The following PPP2R2A variants were observed in gnomAD, a reference collection of about 807,000 sequenced individuals.
The protein encoded by PPP2R2A is serine/threonine-protein phosphatase 2A 55 kDa regulatory subunit B alpha isoform.
A neutral mutation model predicts 53.2 loss-of-function variants in PPP2R2A; 9 were observed. The observed-to-expected ratio is 0.17, with a 90% confidence interval of 0.10 to 0.30. The LOEUF (loss-of-function observed/expected upper bound fraction) is 0.30, where lower values mean the gene tolerates loss of function less well. Ranked by LOEUF, PPP2R2A falls within the 10% of genes least tolerant of loss-of-function variation. The pLI is 1.00. For synonymous variants in PPP2R2A, 169 were observed against 174.2 expected (o/e 0.97, Z 0.23); for missense variants, 235 against 534.6 (o/e 0.44, Z 5.53).
At chr8:26,324,214 G>A (rs1585356379) in intron 2 of PPP2R2A, among the ~76,000 whole-genome samples, 2 of 152,282 alleles carry the variant, frequency 1.3e-5, no homozygotes, top group East Asian at 3.9e-4. Flanking sequence ...ACCTCAGAGA[G>A]GCTTTCTTTG....
At chr8:26,302,364 A>G (rs1395838839) in intron 2 of PPP2R2A, among the ~76,000 whole-genome samples, 1 of 152,242 alleles carries the variant, frequency 6.6e-6, no homozygotes, top group Non-Finnish European at 1.5e-5. Context: ...TAAAATCAGT[A>G]GTCATATTAA....
intron 3 of PPP2R2A, among the ~76,000 whole-genome samples, chr8:26,341,622 A>C (rs933579971): frequency 1.3e-5 from 2 of 152,206 alleles, no homozygotes. Flanking sequence ...CAATCCAACT[A>C]TTATATGTTC....
intron 2 of PPP2R2A, among the ~76,000 whole-genome samples, chr8:26,297,461 T>G (rs1259863834): frequency 6.6e-6 from 1 of 152,186 alleles, no homozygotes; most frequent in Non-Finnish European, 1.5e-5. Context: ...TGAGATACCG[T>G]ACTCTCTAGA....
At chr8:26,355,016 A>G (rs948843252) in intron 4 of PPP2R2A, among the ~76,000 whole-genome samples, 4 of 152,212 alleles carry the variant, frequency 2.6e-5, no homozygotes, top group African/African-American at 9.6e-5. Context: ...TGAATATTAA[A>G]TAACTTCACA....
rs1801411750 is a variant in PPP2R2A at position 26,293,682 on chromosome 8, T to C, written c.24T>C (p.Asn8=). The C allele has an allele frequency of 6.2e-7, 1 of 1,612,904 alleles. No individual in the cohort carries two copies. The highest frequency in any genetic ancestry group is 8.5e-7 in the Non-Finnish European group (1 of 1,179,556). The change falls in exon 2 of 10, where the codon AAT becomes AAC. Residue 8 remains asparagine, a synonymous_variant. Transcript: ENST00000380737. The part of the protein sequence containing the change: MAGAGGG[N]DIQWCFSQVK... ...TTTTTCCAGGAGCTGGAGGAGGGAA[T>C]GATATTCAGTGGTGTTTTTCTCAGG...
intron 2 of PPP2R2A, among the ~76,000 whole-genome samples, chr8:26,297,728 A>C (rs1801604710): frequency 6.6e-6 from 1 of 152,124 alleles, no homozygotes; most frequent in Non-Finnish European, 1.5e-5. Flanking sequence ...TTATACACAT[A>C]AAACAGAACA....
intron 2 of PPP2R2A, among the ~76,000 whole-genome samples, chr8:26,333,185 C>T (rs1189629491): frequency 6.6e-6 from 1 of 152,188 alleles, no homozygotes; most frequent in Non-Finnish European, 1.5e-5. Flanking sequence ...CAAACATTTT[C>T]TGTAAAGGGC....
chr8:26,334,192 G>A (rs1803533116), intron 2 of PPP2R2A, among the ~76,000 whole-genome samples: 1 of 152,024 alleles, frequency 6.6e-6, no homozygotes, highest in African/African-American at 2.4e-5. Flanking sequence ...ATTAATACAG[G>A]CATTTTTCAT....
intron 2 of PPP2R2A, among the ~76,000 whole-genome samples, chr8:26,301,359 G>A (rs189266912): frequency 6.7e-6 from 1 of 148,552 alleles, no homozygotes; most frequent in East Asian, 2.0e-4. Context: ...TTGAGACGGG[G>A]TCTTGCTCTG....
intron 4 of PPP2R2A, among the ~76,000 whole-genome samples, chr8:26,355,125 C>T (rs1006466516): frequency 6.6e-6 from 1 of 152,182 alleles, no homozygotes; most frequent in Non-Finnish European, 1.5e-5. Context: ...ATACAAAATA[C>T]TCAAAGGATG....
At chr8:26,309,239 G>C (rs1025886087) in intron 2 of PPP2R2A, among the ~76,000 whole-genome samples, 1 of 152,172 alleles carries the variant, frequency 6.6e-6, no homozygotes, top group Non-Finnish European at 1.5e-5. Context: ...AATGAATATT[G>C]TGTTAGCAGG....
At position 26,372,552 on chromosome 8, in the gene PPP2R2A, T is replaced by C. The variant is rs1313634492; in HGVS notation, c.*2139T>C. The C allele has an allele frequency of 6.6e-6, 1 of 152,256 alleles. No individual in the cohort carries two copies. The highest frequency in any genetic ancestry group is 6.5e-5 in the Admixed American group (1 of 15,286). The allele number at this position is 152,256 out of a possible 1,614,324, so 9.4% of individuals were successfully genotyped here. ...ATGCCTCTATCAAGGAATGCTATTATAAATTATTGTTAACATTCTCAAGTA... is the reference window on the plus strand; with the variant it reads ...ATGCCTCTATCAAGGAATGCTATTACAAATTATTGTTAACATTCTCAAGTA... On this transcript the variant is annotated 3_prime_UTR_variant, in exon 10 of 10. Coordinates refer to ENST00000380737, the MANE Select transcript of PPP2R2A (RefSeq NM_002717.4).
intron 2 of PPP2R2A, among the ~76,000 whole-genome samples, chr8:26,301,439 C>T (rs1801781655): frequency 6.6e-6 from 1 of 151,164 alleles, no homozygotes; most frequent in Non-Finnish European, 1.5e-5. Context: ...CTCAAGCGAT[C>T]CTCCTGCCCC....
intron 4 of PPP2R2A, among the ~76,000 whole-genome samples, chr8:26,357,852 T>C (rs919571390): frequency 6.6e-6 from 1 of 152,118 alleles, no homozygotes; most frequent in Non-Finnish European, 1.5e-5. Flanking sequence ...GTGGTCGTTT[T>C]GGAAGGAACA....
At position 26,294,731 on chromosome 8, in the gene PPP2R2A, A is replaced by T. The variant is rs187385970; in HGVS notation, c.82+991A>T. Among the ~76,000 whole-genome samples, 76 of 151,910 alleles carry T rather than the reference A, an allele frequency of 5.0e-4. 2 individuals are homozygous for T. In the East Asian group the frequency reaches 0.013, roughly 27 times the overall value. On this transcript the variant is annotated intron_variant, in intron 2 of 9. Transcript: ENST00000380737. ...CTGTTTGTTCTGGAGATTTTTTTTC[A>T]GGTGGTGGGTGGTAGCCGAACTCTC...
Position 26,371,822 on chromosome 8 carries a change from G to A in PPP2R2A, c.*1409G>A, listed in dbSNP as rs1805678009. On this transcript the variant is annotated 3_prime_UTR_variant, in exon 10 of 10. Coordinates refer to ENST00000380737, the MANE Select transcript of PPP2R2A (RefSeq NM_002717.4). ...CCTAAGCGGTGATACATTATCCAAA[G>A]ATGAAGAGTGCTCCTATTTTTAATA... 1 of 152,190 alleles carries A rather than the reference G, an allele frequency of 6.6e-6. No homozygotes were observed. The highest frequency in any genetic ancestry group is 6.5e-5 in the Admixed American group (1 of 15,282). 9.4% of individuals were successfully genotyped at this position (152,190 alleles called of 1,614,324 possible).
At chr8:26,316,553 G>A (rs1294742061) in intron 2 of PPP2R2A, among the ~76,000 whole-genome samples, 1 of 152,090 alleles carries the variant, frequency 6.6e-6, no homozygotes, top group East Asian at 1.9e-4. Context: ...ACATATATTT[G>A]TCTTAGAATG....
chr8:26,366,614 T>C (rs935198200), intron 9 of PPP2R2A, among the ~76,000 whole-genome samples: 28 of 152,216 alleles, frequency 1.8e-4, no homozygotes, highest in Non-Finnish European at 3.5e-4. Context: ...ATCTAAATTA[T>C]TTAAATGTCT....
chr8:26,365,165 T>A (rs1343397789), intron 8 of PPP2R2A: 7 of 152,248 alleles, frequency 4.6e-5, no homozygotes, highest in Non-Finnish European at 1.0e-4. Context: ...GCTACTTTTC[T>A]ACTTATAAAC....
Sources: allele counts gnomAD v4.1 joint callset (sites outside exome capture counted in the v4.1 genomes callset), GRCh38; gene constraint gnomAD v4.1.1; transcripts MANE v1.5; gene names NCBI Gene and HGNC (gene_info 2026-07-23, HGNC 2026-07-21).